The following PDE4D variants were observed in gnomAD, a reference collection of about 807,000 sequenced individuals.
The protein encoded by PDE4D is phosphodiesterase 4D.
A neutral mutation model predicts 87.4 loss-of-function variants in PDE4D; 24 were observed. That is an observed-to-expected ratio of 0.27 (90% CI 0.20 to 0.39). PDE4D has a LOEUF of 0.39. PDE4D is among the 10% of genes least tolerant of loss of function. The probability of loss-of-function intolerance (pLI) is 1.00; values close to 1 mark genes in which losing one functional copy is unlikely to be tolerated. For synonymous variants in PDE4D, 384 were observed against 383.2 expected, an observed-to-expected ratio of 1.00 and a Z score of -0.02; for missense variants, 714 against 1,041.0, an observed-to-expected ratio of 0.69 and a Z score of 4.32.
chr5:60,172,321 G>T (rs75469780), intron 2 of PDE4D, among the ~76,000 whole-genome samples: 5,267 of 148,396 alleles, frequency 0.035, 309 homozygotes, highest in African/African-American at 0.13. Flanking sequence ...ATATTTGAAC[G>T]TATTCAGACT....
chr5:59,321,812 C>G (rs1271953599), intron 1 of PDE4D, among the ~76,000 whole-genome samples: 1 of 152,052 alleles, frequency 6.6e-6, no homozygotes, highest in Non-Finnish European at 1.5e-5. Flanking sequence ...ACTGTATGAC[C>G]ATGTCACCGG....
At chr5:60,300,239 T>C (rs1358521000) in intron 1 of PDE4D, among the ~76,000 whole-genome samples, 1 of 152,168 alleles carries the variant, frequency 6.6e-6, no homozygotes, top group Admixed American at 6.6e-5. Context: ...ACTTTTTAAT[T>C]GGGCCATTGG....
chr5:59,603,894 G>C (rs1398603750), intron 1 of PDE4D, among the ~76,000 whole-genome samples: 2 of 151,986 alleles, frequency 1.3e-5, no homozygotes, highest in African/African-American at 2.4e-5. Flanking sequence ...AATGTTAACA[G>C]AGTGGATATT....
At chr5:60,095,356 G>A (rs144303789) in intron 2 of PDE4D, among the ~76,000 whole-genome samples, 18 of 152,132 alleles carry the variant, frequency 1.2e-4, no homozygotes, top group African/African-American at 3.9e-4. Flanking sequence ...TAGCTTCATC[G>A]ATGTCCCTGA....
intron 3 of PDE4D, among the ~76,000 whole-genome samples, chr5:59,976,474 C>T (rs971049604): frequency 7.2e-5 from 11 of 152,112 alleles, no homozygotes; most frequent in Non-Finnish European, 1.5e-4. Flanking sequence ...CTCTTATTCC[C>T]TCTCTTGTCA....
chr5:59,492,303 A>T (rs1049416518), intron 1 of PDE4D, among the ~76,000 whole-genome samples: 2 of 152,226 alleles, frequency 1.3e-5, no homozygotes, highest in Admixed American at 6.5e-5. Context: ...TAGAGAATTT[A>T]TTCAAGATTA....
chr5:60,142,576 T>C (rs556261123), intron 2 of PDE4D, among the ~76,000 whole-genome samples: 1 of 152,186 alleles, frequency 6.6e-6, no homozygotes, highest in Non-Finnish European at 1.5e-5. Flanking sequence ...AACACCAGCA[T>C]GAGCCAGGGT....
chr5:59,574,132 A>T (rs796188638), intron 1 of PDE4D, among the ~76,000 whole-genome samples: 5 of 3,376 alleles, frequency 1.5e-3, no homozygotes, highest in Non-Finnish European at 1.8e-3. Context: ...ATATATTTAT[A>T]TATATATATA....
At position 59,981,769 on chromosome 5, in the gene PDE4D, T is replaced by C. The variant is rs550938992; in HGVS notation, c.272+6719A>G. 7.9e-5 allele frequency among the ~76,000 whole-genome samples: 12 copies of C among 152,330 alleles called. No individual in the cohort carries two copies. In the South Asian group the frequency reaches 2.5e-3, roughly 32 times the overall value. ...CCTTATATCCAAATTATTTAAAATA[T>C]GAAATGCCCATTAATACCTTCTTAA... On this transcript the variant is annotated intron_variant, in intron 3 of 16. Coordinates refer to the PDE4D transcript ENST00000502484.
At chr5:60,102,129 C>A (rs1050307975) in intron 2 of PDE4D, among the ~76,000 whole-genome samples, 3 of 152,058 alleles carry the variant, frequency 2.0e-5, no homozygotes, top group Admixed American at 1.3e-4. Flanking sequence ...CAGTATAAAT[C>A]ATTCAACCAA....
chr5:59,282,257 A>T (rs1038737883), intron 1 of PDE4D, among the ~76,000 whole-genome samples: 1 of 152,184 alleles, frequency 6.6e-6, no homozygotes, highest in Non-Finnish European at 1.5e-5. Context: ...TTCTTAAAAG[A>T]CTTTTGAAAG....
intron 1 of PDE4D, chr5:59,356,734 G>A: frequency 6.4e-7 from 1 of 1,558,134 alleles, no homozygotes; most frequent in Non-Finnish European, 8.6e-7. Context: ...ATTCTTCCTA[G>A]CTACAAAAGG....
chr5:59,323,264 A>G (rs1775041715), intron 1 of PDE4D, among the ~76,000 whole-genome samples: 1 of 152,078 alleles, frequency 6.6e-6, no homozygotes, highest in South Asian at 2.1e-4. Context: ...TCTTTCTGAG[A>G]GAGAGGCAAT....
upstream of PDE4D, among the ~76,000 whole-genome samples, chr5:59,897,042 G>A (rs540035854): frequency 3.3e-5 from 5 of 152,282 alleles, no homozygotes; most frequent in African/African-American, 1.2e-4. Context: ...AGATTTTTGT[G>A]AAGCATTGGG....
Position 60,516,848 on chromosome 5 carries a change from C to T in PDE4D, n.70+5203G>A, listed in dbSNP as rs116056649. ...AAGACGCCAGCTGCAGCAGGCAAGG[C>T]GCAGCCAGGGCTGCACATTCCATGG... is the stretch of plus-strand genomic sequence containing the variant. On this transcript the variant is annotated intron_variant and non_coding_transcript_variant, in intron 1 of 2. Transcript: ENST00000506510. Among the ~76,000 whole-genome samples, 1,414 of 152,254 alleles carry T rather than the reference C, an allele frequency of 9.3e-3. 22 individuals carry two copies. Among genetic ancestry groups the T allele is most frequent in the African/African-American group, 0.032 (1,335 of 41,544 alleles).
intron 1 of PDE4D, among the ~76,000 whole-genome samples, chr5:60,281,621 G>A (rs1751911496): frequency 6.6e-6 from 1 of 152,138 alleles, no homozygotes. Context: ...ATTCAGGACA[G>A]TTTTAACATG....
intron 11 of PDE4D, among the ~76,000 whole-genome samples, chr5:58,987,961 A>G (rs947541944): frequency 6.8e-6 from 1 of 147,982 alleles, no homozygotes; most frequent in African/African-American, 2.5e-5. Flanking sequence ...AAATTCAGTG[A>G]TGACTTCTTA....
intron 1 of PDE4D, among the ~76,000 whole-genome samples, chr5:59,397,129 T>TCTC (rs1789572897): frequency 8.1e-6 from 1 of 123,690 alleles, no homozygotes; most frequent in South Asian, 2.8e-4. Context: ...ACATTAATAA[T>TCTC]GGGAGACTTT....
chr5:59,017,803 A>G (rs1441636582), intron 6 of PDE4D, among the ~76,000 whole-genome samples: 1 of 152,238 alleles, frequency 6.6e-6, no homozygotes, highest in East Asian at 1.9e-4. Context: ...CTGTTTTACT[A>G]AGACATTTTA....
Sources: allele counts gnomAD v4.1 joint callset (sites outside exome capture counted in the v4.1 genomes callset), GRCh38; gene constraint gnomAD v4.1.1; transcripts MANE v1.5; gene names NCBI Gene and HGNC (gene_info 2026-07-23, HGNC 2026-07-21).